DENND2A: variants seen among roughly 807,000 people sequenced by gnomAD.
DENND2A encodes DENN domain-containing protein 2A.
In DENND2A, 53 loss-of-function variants were observed where a neutral mutation model predicts 105.3. The observed-to-expected ratio is 0.50, with a 90% CI of 0.40 to 0.63. DENND2A has a LOEUF of 0.63. DENND2A is among the 30% of genes least tolerant of loss of function. The probability of loss-of-function intolerance (pLI) is 0.00; values close to 1 mark genes in which losing one functional copy is unlikely to be tolerated. For missense variants in DENND2A, 1,138 were observed against 1,279.6 expected (o/e 0.89, Z 1.69); for synonymous variants, 522 against 508.4 (o/e 1.03, Z -0.36).
intron 1 of DENND2A, among the ~76,000 whole-genome samples, chr7:140,633,559 G>C (rs551529493): frequency 1.3e-5 from 2 of 152,252 alleles, no homozygotes; most frequent in South Asian, 4.1e-4. Flanking sequence ...AATCAAATTT[G>C]ACCATTATTG....
chr7:140,608,853 G>A (rs998110989), intron 1 of DENND2A, among the ~76,000 whole-genome samples: 1 of 152,092 alleles, frequency 6.6e-6, no homozygotes, highest in Non-Finnish European at 1.5e-5. Flanking sequence ...GTCAACCTGG[G>A]GACCCTGTCA....
At position 140,519,693 on chromosome 7, in the gene DENND2A, C is replaced by T; in HGVS notation, c.2937G>A (p.Glu979=). 2 of 1,614,126 alleles carry T rather than the reference C, an allele frequency of 1.2e-6. No homozygotes were observed. Among genetic ancestry groups the T allele is most frequent in the Non-Finnish European group, 1.7e-6 (2 of 1,180,030 alleles). The change falls in exon 19 of 20, where the codon GAG becomes GAA. Residue 979 remains glutamate (E), a synonymous_variant. Coordinates refer to ENST00000496613, the MANE Select transcript of DENND2A (RefSeq NM_015689.5). ...AKGLFEVRAQ[E]YLETLPSGEH... The stretch of plus-strand genomic sequence containing the variant: ...CTCCACTGGGGAGTGTTTCCAGATA[C>T]TCTTGGGCTCGGACCTCAAACAGAC...
chr7:140,577,923 C>A lies in DENND2A; in HGVS notation c.1246-3915G>T, dbSNP rs1798373788. Reference sequence around the variant, plus strand: ...CATAAAAGGGAAGTCACTCTAGGATCCTAAGAACGATGTGTCAGACTGTGG... The same window carrying A: ...CATAAAAGGGAAGTCACTCTAGGATACTAAGAACGATGTGTCAGACTGTGG... On this transcript the variant is annotated intron_variant, in intron 5 of 19. Transcript: ENST00000496613. Among the ~76,000 whole-genome samples the A allele has an allele frequency of 3.3e-5, 5 of 152,124 alleles. No individual in the cohort carries two copies. The South Asian group carries it at 1.0e-3, about 32-fold the overall frequency.
At chr7:140,518,823 C>T (rs1056410482) in intron 19 of DENND2A, 85 bp from the exon 20 acceptor site, 21 of 1,415,704 alleles carry the variant, frequency 1.5e-5, no homozygotes, top group East Asian at 1.4e-4. Flanking sequence ...AGAAGTGGTG[C>T]GGGTAACGGG....
At position 140,601,695 on chromosome 7, in the gene DENND2A, T is replaced by C; in HGVS notation, c.703A>G (p.Arg235Gly). ...CAGGGCCTTCTGCATGAACCTTTCC[T>C]GTCCTCCACAAGCTCAGGGGTGGGC... is the stretch of plus-strand genomic sequence containing the variant. Reference protein sequence around the residue: ...REPTPELVEDRKGSCRRPWDR... With the variant: ...REPTPELVEDGKGSCRRPWDR... The change falls in exon 3 of 20, where the codon AGG (arginine) becomes GGG (glycine). Residue 235 changes from arginine to glycine, a missense_variant. Physicochemically the swap from Arg to Gly is moderately radical, Grantham distance 125. Around this residue, in one of 2 missense-constraint regions of DENND2A, gnomAD observed 511 missense variants for 499.9 expected, o/e 1.02. Transcript: ENST00000496613. The C allele has an allele frequency of 1.9e-6, 3 of 1,614,096 alleles. No individual in the cohort carries two copies. The highest frequency in any genetic ancestry group is 2.5e-6 in the Non-Finnish European group (3 of 1,179,984).
chr7:140,613,865 A>C (rs535429001), intron 1 of DENND2A, among the ~76,000 whole-genome samples: 117 of 152,276 alleles, frequency 7.7e-4, no homozygotes, highest in Middle Eastern at 6.8e-3. Context: ...ATGCAGACCA[A>C]CTGAGAGCTG....
At chr7:140,551,852 G>T (rs1797152096) in intron 12 of DENND2A, among the ~76,000 whole-genome samples, 1 of 152,156 alleles carries the variant, frequency 6.6e-6, no homozygotes, top group South Asian at 2.1e-4. Context: ...TCTGGTTCTG[G>T]TTCTGTCCTG....
intron 1 of DENND2A, among the ~76,000 whole-genome samples, chr7:140,626,156 G>A (rs192193349): frequency 2.0e-5 from 3 of 152,172 alleles, no homozygotes; most frequent in Admixed American, 6.5e-5. Flanking sequence ...GGCACCGTAC[G>A]GGCCTTCCAC....
At chr7:140,526,715 G>C (rs952570208) in intron 15 of DENND2A, among the ~76,000 whole-genome samples, 1 of 152,188 alleles carries the variant, frequency 6.6e-6, no homozygotes, top group African/African-American at 2.4e-5. Flanking sequence ...CAGCTTCTAG[G>C]GACCCAGACA....
At chr7:140,573,662 G>T (rs1798184313) in intron 6 of DENND2A, 146 bp downstream of exon 6, 2 of 917,440 alleles carry the variant, frequency 2.2e-6, no homozygotes, top group East Asian at 2.5e-5. Context: ...ATTCCAGCCT[G>T]CTGGCTTCAC....
At position 140,617,328 on chromosome 7, in the gene DENND2A, C is replaced by T. The variant is rs186834694; in HGVS notation, c.-247-11522G>A. ...CTCCATGGCCTTCAATATCAAGGCT[C>T]CCCCGTACTCTAAAGGAGGCCTCAG... is the stretch of plus-strand genomic sequence containing the variant. On this transcript the variant is annotated intron_variant, in intron 1 of 19. Transcript: ENST00000496613. Among the ~76,000 whole-genome samples the T allele has an allele frequency of 7.2e-5, 11 of 152,276 alleles. No individual in the cohort carries two copies. In the East Asian group the frequency reaches 1.2e-3, roughly 16 times the overall value.
rs1402169607 is a variant in DENND2A, at chr7:140,592,187, C to A, written c.996-4407G>T. 2.0e-5 allele frequency among the ~76,000 whole-genome samples: 3 copies of A among 149,184 alleles called. No homozygotes were observed. In the Admixed American group the frequency reaches 2.0e-4, roughly 10 times the overall value. ...CCCGAGTAGCTGAGATTACAGGCGC[C>A]TGCCACCACATCTGGCTAATTTTTA... is the stretch of plus-strand genomic sequence containing the variant. On this transcript the variant is annotated intron_variant, in intron 3 of 19. Coordinates refer to ENST00000496613, the MANE Select transcript of DENND2A (RefSeq NM_015689.5).
rs186440509 is a variant in DENND2A at position 140,616,633 on chromosome 7, G to A, written c.-247-10827C>T. On this transcript the variant is annotated intron_variant, in intron 1 of 19. Transcript: ENST00000496613. ...AAGCCATTATTTAAAAAAAAGAATCGGCAGGGACAATTACTAAAAGTGAGG... is the reference window on the plus strand; with the variant it reads ...AAGCCATTATTTAAAAAAAAGAATCAGCAGGGACAATTACTAAAAGTGAGG... Among the ~76,000 whole-genome samples the A allele has an allele frequency of 3.7e-3, 568 of 152,066 alleles. 12 individuals are homozygous for A. The highest frequency in any genetic ancestry group is 0.032 in the Admixed American group (492 of 15,264).
chr7:140,535,551 C>G (rs987639967), intron 14 of DENND2A, among the ~76,000 whole-genome samples: 2 of 151,878 alleles, frequency 1.3e-5, no homozygotes, highest in African/African-American at 2.4e-5. Flanking sequence ...TAGATCGTTG[C>G]TGATGTCCTT....
chr7:140,611,485 C>A (rs1335467353), intron 1 of DENND2A, among the ~76,000 whole-genome samples: 2 of 152,128 alleles, frequency 1.3e-5, no homozygotes, highest in East Asian at 1.9e-4. Context: ...CTGCAGCGAG[C>A]CTTGATTGCA....
At chr7:140,626,321 C>T (rs1800527150) in intron 1 of DENND2A, among the ~76,000 whole-genome samples, 2 of 152,224 alleles carry the variant, frequency 1.3e-5, no homozygotes, top group Non-Finnish European at 2.9e-5. Context: ...AGAGGCAGCC[C>T]TCAGGCTGCC....
chr7:140,519,057 G>C (rs1423848750), intron 19 of DENND2A, among the ~76,000 whole-genome samples: 1 of 152,158 alleles, frequency 6.6e-6, no homozygotes, highest in East Asian at 1.9e-4. Flanking sequence ...CAGCAATGCT[G>C]TGTGTATTTA....
In DENND2A at chr7:140,552,350, T is replaced by C. The variant is rs112193187; in HGVS notation, c.2037+3286A>G. On this transcript the variant is annotated intron_variant, in intron 12 of 19. Transcript: ENST00000496613. ...CCCTTCCTTCCTTTCCCTCTCTCTC[T>C]CCCTTCCTCCCTCCCTCTCCCTCTC... is the stretch of plus-strand genomic sequence containing the variant. Among the ~76,000 whole-genome samples the C allele has an allele frequency of 7.8e-3, 1,186 of 151,798 alleles. 25 individuals carry two copies. Among genetic ancestry groups the C allele is most frequent in the African/African-American group, 0.027 (1,136 of 41,380 alleles).
At chr7:140,639,300 C>T (rs1381271014) in intron 1 of DENND2A, among the ~76,000 whole-genome samples, 1 of 151,576 alleles carries the variant, frequency 6.6e-6, no homozygotes, top group Admixed American at 6.6e-5. Context: ...TGCAGTGGGT[C>T]GAGATTGCAC....
Sources: allele counts gnomAD v4.1 joint callset (sites outside exome capture counted in the v4.1 genomes callset), GRCh38; gene constraint gnomAD v4.1.1; regional missense constraint gnomAD v4.1.1; transcripts MANE v1.5; gene names NCBI Gene and HGNC (gene_info 2026-07-23, HGNC 2026-07-21).